The following BEND7 variants were observed in gnomAD, a reference collection of about 807,000 sequenced individuals.
BEND7 encodes the protein BEN domain-containing protein 7.
Under a neutral mutation model 50.9 loss-of-function variants are expected in BEND7, and 28 were observed. The ratio of observed to expected loss-of-function variants is 0.55; its 90% CI spans 0.41 to 0.75. The LOEUF (loss-of-function observed/expected upper bound fraction) is 0.75, where lower values mean the gene tolerates loss of function less well. Ranked by LOEUF, BEND7 falls within the 30% of genes least tolerant of loss-of-function variation. BEND7 has a pLI of 0.00. For missense variants in BEND7, 477 were observed against 491.3 expected (o/e 0.97, Z 0.28); for synonymous variants, 170 against 183.9 (o/e 0.92, Z 0.61).
chr10:13,445,857 G>A (rs745445467), intron 8 of BEND7: 6 of 152,230 alleles, frequency 3.9e-5, no homozygotes, highest in Non-Finnish European at 7.3e-5. Context: ...GCCAGGGTGG[G>A]AGGGCACTTG....
At chr10:13,448,408 G>GT (rs1836907166) in intron 7 of BEND7, among the ~76,000 whole-genome samples, 1 of 152,222 alleles carries the variant, frequency 6.6e-6, no homozygotes, top group African/African-American at 2.4e-5. Context: ...GGCAGCCCTT[G>GT]TGAGGCTGTT....
intron 5 of BEND7, among the ~76,000 whole-genome samples, chr10:13,484,884 T>C (rs2076110144): frequency 6.6e-6 from 1 of 152,206 alleles, no homozygotes. Context: ...CTCTTCCTTA[T>C]TCATCTCACA....
At position 13,527,725 on chromosome 10, in the gene BEND7, T is replaced by TAA; in HGVS notation, c.61+747_61+748insTT. 4 of 524,904 alleles carry TAA rather than the reference T, an allele frequency of 7.6e-6. No individual in the cohort carries two copies. The African/African-American group carries it at 8.1e-5, about 11-fold the overall frequency. 32.5% of individuals were successfully genotyped at this position (524,904 alleles called of 1,614,324 possible). The stretch of plus-strand genomic sequence containing the variant: ...CGATGGCTCTTGAGTTATCATTTTT[T>TAA]TAAAAAAAAAAGTCAAATCAGGAAG... On this transcript the variant is annotated intron_variant, in intron 1 of 8. Coordinates refer to ENST00000466271, the MANE Select transcript of BEND7 (RefSeq NM_001369863.1).
chr10:13,490,523 T>C (rs2076577104), intron 5 of BEND7, among the ~76,000 whole-genome samples: 3 of 152,218 alleles, frequency 2.0e-5, no homozygotes, highest in African/African-American at 7.2e-5. Context: ...TCACTGCTCC[T>C]GTCTAGCCCT....
intron 7 of BEND7, among the ~76,000 whole-genome samples, chr10:13,451,382 G>GGT (rs532060395): frequency 0.015 from 2,255 of 147,716 alleles, 49 homozygotes; most frequent in African/African-American, 0.052. Context: ...CTTTTTTTTT[G>GGT]GTGTGTGTGT....
intron 1 of BEND7, among the ~76,000 whole-genome samples, chr10:13,527,227 A>G (rs2079500337): frequency 1.3e-5 from 1 of 75,046 alleles, no homozygotes; most frequent in South Asian, 3.1e-4. Flanking sequence ...ACGGATGTGG[A>G]AAAAAAAATT....
At chr10:13,479,210 T>C (rs901565512) in intron 6 of BEND7, among the ~76,000 whole-genome samples, 5 of 152,030 alleles carry the variant, frequency 3.3e-5, no homozygotes, top group African/African-American at 1.2e-4. Flanking sequence ...GGTTTCACCA[T>C]GTTGGCCAGG....
chr10:13,472,265 G>A (rs1291232044), intron 6 of BEND7, among the ~76,000 whole-genome samples: 1 of 151,638 alleles, frequency 6.6e-6, no homozygotes, highest in Non-Finnish European at 1.5e-5. Flanking sequence ...CATCATCGTT[G>A]TTAGATTTGG....
At chr10:13,522,547 T>G (rs2079151737) in intron 2 of BEND7, among the ~76,000 whole-genome samples, 2 of 152,180 alleles carry the variant, frequency 1.3e-5, no homozygotes, top group Non-Finnish European at 2.9e-5. Context: ...AAACCATAAG[T>G]GCAACACTCA....
intron 6 of BEND7, among the ~76,000 whole-genome samples, chr10:13,458,671 T>C (rs1409687116): frequency 1.3e-5 from 2 of 152,216 alleles, no homozygotes; most frequent in African/African-American, 4.8e-5. Context: ...CCTCATTAGA[T>C]CTGCCAAACT....
At chr10:13,523,800 T>C (rs2079244885) in intron 2 of BEND7, among the ~76,000 whole-genome samples, 1 of 152,212 alleles carries the variant, frequency 6.6e-6, no homozygotes, top group Non-Finnish European at 1.5e-5. Flanking sequence ...AGAAATCATG[T>C]TGCTGTGACA....
At position 13,441,686 on chromosome 10, in the gene BEND7, A is replaced by G; in HGVS notation, c.*57T>C. The G allele has an allele frequency of 6.2e-7, 1 of 1,612,106 alleles. No homozygotes were observed. On this transcript the variant is annotated 3_prime_UTR_variant, in exon 9 of 9. Coordinates refer to ENST00000466271, the MANE Select transcript of BEND7 (RefSeq NM_001369863.1). ...AGTAGCTCCTTGTGGGAGGCAGAGG[A>G]CGGATTTTAAAACCCATGGTGCAAA...
At chr10:13,508,763 C>T (rs899577430) in intron 2 of BEND7, among the ~76,000 whole-genome samples, 2 of 151,358 alleles carry the variant, frequency 1.3e-5, no homozygotes, top group East Asian at 1.9e-4. Context: ...ACAATGTGAC[C>T]GAAAAAAAAA....
chr10:13,450,819 T>A (rs752565148), intron 7 of BEND7, among the ~76,000 whole-genome samples: 27 of 152,090 alleles, frequency 1.8e-4, no homozygotes, highest in Non-Finnish European at 2.9e-4. Context: ...TCTCATCCTG[T>A]AGAAGTGGGC....
intron 1 of BEND7, among the ~76,000 whole-genome samples, chr10:13,528,030 CCTT>C (rs912230838): frequency 1.6e-4 from 25 of 152,188 alleles, no homozygotes; most frequent in African/African-American, 4.8e-4. Context: ...GCTTCTTTCT[CCTT>C]CTTAAAAAGA....
At position 13,505,187 on chromosome 10, in the gene BEND7, G is replaced by A. The variant is rs148011949; in HGVS notation, c.146-5107C>T. 1.1e-4 allele frequency among the ~76,000 whole-genome samples: 16 copies of A among 152,222 alleles called. 1 individual carries two copies. Among genetic ancestry groups the A allele is most frequent in the Non-Finnish European group, 1.8e-4 (12 of 68,008 alleles). On this transcript the variant is annotated intron_variant, in intron 2 of 8. Transcript: ENST00000466271. ...CCCTTGACAGTTTCCAGTTCTATTC[G>A]CTGCACTCCCGGTTCCTCAGTGTGG...
intron 2 of BEND7, among the ~76,000 whole-genome samples, chr10:13,516,257 A>G (rs1464520240): frequency 1.3e-5 from 2 of 152,314 alleles, no homozygotes; most frequent in East Asian, 3.9e-4. Flanking sequence ...CTAGGCAAAG[A>G]GGCCGGCAGA....
intron 5 of BEND7, among the ~76,000 whole-genome samples, chr10:13,481,854 C>T (rs987668137): frequency 5.3e-5 from 8 of 152,228 alleles, no homozygotes; most frequent in Admixed American, 2.0e-4. Context: ...GACTGGGATA[C>T]GGAATCAGAG....
At chr10:13,508,559 C>T (rs1434388959) in intron 2 of BEND7, among the ~76,000 whole-genome samples, 1 of 152,166 alleles carries the variant, frequency 6.6e-6, no homozygotes, top group Non-Finnish European at 1.5e-5. Flanking sequence ...AGTATCTAGA[C>T]ACAAATATAT....
Sources: gnomAD v4.1 joint callset for allele counts (sites outside exome capture counted in the v4.1 genomes callset) on GRCh38, gnomAD v4.1.1 for gene constraint, MANE v1.5 for transcripts, NCBI Gene and HGNC (gene_info 2026-07-23, HGNC 2026-07-21) for gene names.